The following CHTF18 variants were observed in gnomAD, a reference collection of about 807,000 sequenced individuals.
CHTF18 encodes chromosome transmission fidelity factor 18, also known as chromosome transmission fidelity protein 18 homolog.
In CHTF18, 151 loss-of-function variants were observed where a neutral mutation model predicts 113.4. The ratio of observed to expected loss-of-function variants is 1.33; its 90% CI spans 1.17 to 1.52. The LOEUF is 1.52. CHTF18 is among the 40% of genes most tolerant of loss of function. CHTF18 has a pLI of 0.00. For synonymous variants in CHTF18, 916 were observed against 598.8 expected (o/e 1.53, Z -7.74); for missense variants, 1,982 against 1,381.6 (o/e 1.43, Z -6.89).
rs556985560 is a variant in CHTF18 at position 797,900 on chromosome 16, C to G, written c.2853C>G (p.Ser951Arg). The G allele has an allele frequency of 6.2e-7, 1 of 1,611,532 alleles. No individual in the cohort carries two copies. The highest frequency in any genetic ancestry group is 8.5e-7 in the Non-Finnish European group (1 of 1,179,452). The change falls in exon 22 of 22, where the codon AGC becomes AGG. Residue 951 changes from serine (S) to arginine (R), a missense_variant. Coordinates refer to ENST00000262315, the MANE Select transcript of CHTF18 (RefSeq NM_022092.3). The part of the protein sequence containing the change: ...ERRMGTAVGR[S>R]EVWFRFNEGV... Reference sequence around the variant, plus strand: ...GCATGGGCACAGCGGTGGGCAGGAGCGAGGTCTGGTTCCGCTTCAACGAGG... The same window carrying G: ...GCATGGGCACAGCGGTGGGCAGGAGGGAGGTCTGGTTCCGCTTCAACGAGG...
chr16:795,820 C>T lies in CHTF18; in HGVS notation c.2311C>T (p.Pro771Ser). 2 of 1,609,778 alleles carry T rather than the reference C, an allele frequency of 1.2e-6. No individual in the cohort carries two copies. The highest frequency in any genetic ancestry group is 8.5e-7 in the Non-Finnish European group (1 of 1,178,832). ...ALCLLLDILA[P>S]KLRPVSTQLY... ...CTGCCTGCTCCTGGACATTCTTGCACCCAAGCTCCGCCCCGTGAGTGCCGT... is the reference window on the plus strand; with the variant it reads ...CTGCCTGCTCCTGGACATTCTTGCATCCAAGCTCCGCCCCGTGAGTGCCGT... Residue 771 changes from proline to serine, a missense_variant, in exon 17 of 22, where the codon CCC becomes TCC. Coordinates refer to ENST00000262315, the MANE Select transcript of CHTF18 (RefSeq NM_022092.3).
At position 789,219 on chromosome 16, in the gene CHTF18, T is replaced by C. The variant is rs1454835021; in HGVS notation, c.296T>C (p.Ile99Thr). ...CATGTGTCTCCCCCAGCCCCCAGGA[T>C]CAAACGGCCTAGGCTGCAGGTGGTC... The part of the protein sequence containing the change: ...PAGSLPHAPR[I>T]KRPRLQVVKR... Residue 99 changes from isoleucine (I) to threonine (T), a missense_variant, in exon 3 of 22, where the codon ATC (isoleucine) becomes ACC (threonine). Transcript: ENST00000262315. 18 of 1,551,428 alleles carry C rather than the reference T, an allele frequency of 1.2e-5. No individual in the cohort carries two copies. The highest frequency in any genetic ancestry group is 1.5e-5 in the Non-Finnish European group (17 of 1,147,712).
At chr16:793,696 C>T in intron 14 of CHTF18, 2 of 601,400 alleles carry the variant, frequency 3.3e-6, no homozygotes, top group South Asian at 1.6e-5. Flanking sequence ...TGCCATGGGA[C>T]CCCAGGGGAT....
chr16:788,654 T>A lies in CHTF18; in HGVS notation c.-31T>A. The A allele has an allele frequency of 6.8e-7, 1 of 1,481,394 alleles. No individual in the cohort carries two copies. Among genetic ancestry groups the A allele is most frequent in the South Asian group, 1.3e-5 (1 of 76,632 alleles). 91.8% of individuals were successfully genotyped at this position (1,481,394 alleles called of 1,614,324 possible). Reference sequence around the variant, plus strand: ...GCGACGGCGGCGGCGGCGCGGGAGGTTCGGAGCGGGAGCTCGGGCTCGCGG... The same window carrying A: ...GCGACGGCGGCGGCGGCGCGGGAGGATCGGAGCGGGAGCTCGGGCTCGCGG... On this transcript the variant is annotated 5_prime_UTR_variant, in exon 1 of 22. Transcript: ENST00000262315.
chr16:790,778 G>T, intron 7 of CHTF18, 112 bp downstream of exon 7: 1 of 1,438,134 alleles, frequency 7.0e-7, no homozygotes, highest in South Asian at 1.5e-5. Flanking sequence ...GAGACGGAGT[G>T]GGCTCTGGTT....
intron 4 of CHTF18, 99 bp downstream of exon 4, chr16:789,814 C>T (rs1266298924): frequency 3.6e-6 from 5 of 1,401,326 alleles, no homozygotes; most frequent in Admixed American, 2.3e-5. Context: ...AAAGCGGGTC[C>T]TGTGCAGAGC....
chr16:789,244 C>T lies in CHTF18; in HGVS notation c.321C>T (p.Val107=), dbSNP rs568424808. Residue 107 remains valine (V), a synonymous_variant, in exon 3 of 22, where the codon GTC becomes GTT. Transcript: ENST00000262315. ...PRIKRPRLQV[V]KRLNFRSEEM... ...TCAAACGGCCTAGGCTGCAGGTGGTCAAGAGGCTGAACTTCAGATCGGAGG... is the reference window on the plus strand; with the variant it reads ...TCAAACGGCCTAGGCTGCAGGTGGTTAAGAGGCTGAACTTCAGATCGGAGG... The T allele has an allele frequency of 2.6e-5, 40 of 1,555,816 alleles. No individual in the cohort carries two copies. The South Asian group carries it at 4.5e-4, about 17-fold the overall frequency.
At chr16:793,390 C>A (rs2277895) in intron 14 of CHTF18, 116 bp downstream of exon 14, 27 of 1,360,966 alleles carry the variant, frequency 2.0e-5, no homozygotes, top group African/African-American at 4.4e-5. Context: ...CCTGAGCCCG[C>A]GGTTGCCTGG....
chr16:792,245 C>T lies in CHTF18; in HGVS notation c.1224C>T (p.Val408=), dbSNP rs1317727706. The T allele has an allele frequency of 2.6e-6, 4 of 1,568,002 alleles. No homozygotes were observed. In the African/African-American group the frequency reaches 4.1e-5, roughly 16 times the overall value. ...GCAGTGACGACCGTAGCCCGGAGGTCTTCCGCACACGCATCGAGGCGGCCA... is the reference window on the plus strand; with the variant it reads ...GCAGTGACGACCGTAGCCCGGAGGTTTTCCGCACACGCATCGAGGCGGCCA... ...MNASDDRSPE[V]FRTRIEAATQ... The change falls in exon 10 of 22, where the codon GTC becomes GTT. Residue 408 remains valine (V), a synonymous_variant. Coordinates refer to ENST00000262315, the MANE Select transcript of CHTF18 (RefSeq NM_022092.3).
At chr16:793,643 G>A (rs1172038040) in intron 14 of CHTF18, 10 of 529,700 alleles carry the variant, frequency 1.9e-5, no homozygotes, top group South Asian at 1.7e-4. Context: ...ACACTGCTTG[G>A]CCTCCCGTGG....
At chr16:793,978 G>C in intron 14 of CHTF18, 76 bp from the exon 15 acceptor site, 3 of 1,519,320 alleles carry the variant, frequency 2.0e-6, no homozygotes, top group Admixed American at 3.6e-5. Flanking sequence ...TGGGGCCTCT[G>C]AGTGTCCCGG....
rs113256568 is a variant in CHTF18, at chr16:797,112, G to A, written c.2733+20G>A. 1.3e-5 allele frequency: 19 copies of A among 1,498,194 alleles called. No individual in the cohort carries two copies. Among genetic ancestry groups the A allele is most frequent in the African/African-American group, 1.3e-4 (9 of 71,284 alleles). The allele number at this position is 1,498,194 out of a possible 1,614,324, so 92.8% of individuals were successfully genotyped here. On this transcript the variant is annotated intron_variant, in intron 20 of 21. Transcript: ENST00000262315. The stretch of plus-strand genomic sequence containing the variant: ...GAACAGGTGTGGAATGGGCAGCTGT[G>A]GGGGTGGGACCAGGGTACATACCTT...
rs775568051 is a variant in CHTF18 at position 792,470 on chromosome 16, A to C, written c.1358A>C (p.Asn453Thr). 4.4e-6 allele frequency: 7 copies of C among 1,579,188 alleles called. No homozygotes were observed. The African/African-American group carries it at 8.1e-5, about 18-fold the overall frequency. The change falls in exon 11 of 22, where the codon AAC becomes ACC. Residue 453 changes from asparagine to threonine, a missense_variant. Transcript: ENST00000262315. Reference sequence around the variant, plus strand: ...ATCAACGTCCTCCTGAGCATCCTGAACCGCAAGGGGCCACAGGAGGTGGGG... The same window carrying C: ...ATCAACGTCCTCCTGAGCATCCTGACCCGCAAGGGGCCACAGGAGGTGGGG... The part of the protein sequence containing the change: ...AAINVLLSIL[N>T]RKGPQEVGPQ...
At position 790,277 on chromosome 16, in the gene CHTF18, C is replaced by T. The variant is rs1421365732; in HGVS notation, c.699+8C>T. ...AAGCAGGTCGACGGCGAGGTAGGGG[C>T]TGCGGGTTTGCTGGGGGGCGGTGGC... On this transcript the variant is annotated splice_region_variant and intron_variant, in intron 5 of 21. Transcript: ENST00000262315. The T allele has an allele frequency of 1.2e-6, 2 of 1,608,036 alleles. No homozygotes were observed. Among genetic ancestry groups the T allele is most frequent in the Non-Finnish European group, 1.7e-6 (2 of 1,178,148 alleles).
rs773878248 is a variant in CHTF18, at chr16:796,063, C to T, written c.2442C>T (p.Ile814=). The T allele has an allele frequency of 1.4e-5, 23 of 1,603,600 alleles. No homozygotes were observed. The highest frequency in any genetic ancestry group is 2.2e-5 in the South Asian group (2 of 89,142). ...RQERTPDGQY[I]YRLEPNVEEL... ...AGCGCACGCCCGATGGCCAGTACAT[C>T]TACAGGCTGGAGCCGTGAGTCCCCC... is the stretch of plus-strand genomic sequence containing the variant. Residue 814 remains isoleucine (I), a synonymous_variant, in exon 18 of 22, where the codon ATC becomes ATT. Transcript: ENST00000262315.
rs751274308 is a variant in CHTF18 at position 796,838 on chromosome 16, G to C, written c.2578G>C (p.Ala860Pro). Reference protein sequence around the residue: ...VEKMRRAEASARVENSPQVDG... With the variant: ...VEKMRRAEASPRVENSPQVDG... ...GAAGATGCGGCGGGCGGAGGCTTCT[G>C]CCCGGGTAGAGAACAGCCCCCAGGT... Residue 860 changes from alanine to proline, a missense_variant, in exon 19 of 22, where the codon GCC (alanine) becomes CCC (proline). Transcript: ENST00000262315. 2 of 1,606,318 alleles carry C rather than the reference G, an allele frequency of 1.2e-6. No homozygotes were observed. Among genetic ancestry groups the C allele is most frequent in the Non-Finnish European group, 1.7e-6 (2 of 1,178,104 alleles).
rs760255728 is a variant in CHTF18, at chr16:797,710, T to C, written c.2750T>C (p.Phe917Ser). Residue 917 changes from phenylalanine (F) to serine (S), a missense_variant, in exon 21 of 22, where the codon TTT (phenylalanine) becomes TCT (serine). By Grantham distance (155) the Phe-to-Ser change is radical. Coordinates refer to ENST00000262315, the MANE Select transcript of CHTF18 (RefSeq NM_022092.3). ...TCCCATCAGCCTGAGAAGGACTTCT[T>C]TGGACGTGTGGTCGTCAGGAGCACA... ...AREEQPEKDF[F>S]GRVVVRSTAV... 6.8e-6 allele frequency: 11 copies of C among 1,610,830 alleles called. No homozygotes were observed. The highest frequency in any genetic ancestry group is 5.5e-5 in the South Asian group (5 of 90,982).
chr16:789,088 G>T lies in CHTF18; in HGVS notation c.249G>T (p.Val83=), dbSNP rs1399552051. The T allele has an allele frequency of 2.3e-5, 36 of 1,533,794 alleles. No homozygotes were observed. The highest frequency in any genetic ancestry group is 3.0e-5 in the Non-Finnish European group (34 of 1,138,630). Residue 83 remains valine (V), a synonymous_variant, in exon 2 of 22, where the codon GTG becomes GTT. Transcript: ENST00000262315. ...AGGGCGGCGCCAGGAAGAGGCAGGT[G>T]GACGCCGACCTGCAGCCGGCCGGGT... The part of the protein sequence containing the change: ...SSQGGARKRQ[V]DADLQPAGSL...
At chr16:792,409 G>T (rs1334826816) in intron 10 of CHTF18, 30 bp from the exon 11 acceptor site, 2 of 1,560,666 alleles carry the variant, frequency 1.3e-6, no homozygotes, top group Admixed American at 3.9e-5. Context: ...GCAGGGCCTG[G>T]ACTCACCGTG....
Sources: allele counts gnomAD v4.1 joint callset, GRCh38; gene constraint gnomAD v4.1.1; transcripts MANE v1.5; gene names NCBI Gene and HGNC (gene_info 2026-07-23, HGNC 2026-07-21).